The following TGIF1 variants were observed in gnomAD, a reference collection of about 807,000 sequenced individuals.
TGIF1 encodes homeobox protein TGIF1.
TGIF1 carries 4 observed loss-of-function variants against 19.3 expected under a neutral mutation model. That is an observed-to-expected ratio of 0.21 (90% confidence interval 0.10 to 0.47). The LOEUF (loss-of-function observed/expected upper bound fraction) is 0.47, where lower values mean the gene tolerates loss of function less well. Among genes scored for constraint, TGIF1 ranks in the 20% least tolerant of loss-of-function variants. The pLI is 0.98. For synonymous variants in TGIF1, 122 were observed against 129.3 expected, an observed-to-expected ratio of 0.94 and a Z score of 0.38; for missense variants, 275 against 341.4, an observed-to-expected ratio of 0.81 and a Z score of 1.53.
At position 3,429,971 on chromosome 18, in the gene TGIF1, A is replaced by G. The variant is rs140484230; in HGVS notation, c.-45+11756A>G. Among the ~76,000 whole-genome samples the G allele has an allele frequency of 3.0e-3, 454 of 152,334 alleles. 1 individual carries two copies. Among genetic ancestry groups the G allele is most frequent in the Middle Eastern group, 6.8e-3 (2 of 294 alleles). On this transcript the variant is annotated intron_variant, in intron 2 of 3. Coordinates refer to the TGIF1 transcript ENST00000401449. Reference sequence around the variant, plus strand: ...GGAGTTGGAGACCAGCCTAGCCAACATGGCAAAACCCCTTCTCTACTAAAA... The same window carrying G: ...GGAGTTGGAGACCAGCCTAGCCAACGTGGCAAAACCCCTTCTCTACTAAAA...
intron 1 of TGIF1, among the ~76,000 whole-genome samples, chr18:3,454,951 A>C (rs760412166): frequency 1.6e-4 from 25 of 152,208 alleles, no homozygotes; most frequent in South Asian, 6.2e-4. Flanking sequence ...TCCTTTAAAA[A>C]ACACGGTGTT....
At chr18:3,428,448 A>G (rs2082502060) in intron 2 of TGIF1, among the ~76,000 whole-genome samples, 1 of 151,908 alleles carries the variant, frequency 6.6e-6, no homozygotes, top group African/African-American at 2.4e-5. Flanking sequence ...TTTAAAAATT[A>G]TTTTGGCCGG....
chr18:3,427,800 A>G, intron 2 of TGIF1, among the ~76,000 whole-genome samples: 1 of 152,122 alleles, frequency 6.6e-6, no homozygotes, highest in Non-Finnish European at 1.5e-5. Flanking sequence ...GGATTTCGAC[A>G]TGTTGGCCAG....
At chr18:3,452,059 C>T in intron 1 of TGIF1, 1 of 1,613,822 alleles carries the variant, frequency 6.2e-7, no homozygotes, top group Non-Finnish European at 8.5e-7. Flanking sequence ...GGCTCTGATT[C>T]CTTTCCATGG....
chr18:3,427,440 C>T (rs371113459), intron 2 of TGIF1, among the ~76,000 whole-genome samples: 10 of 151,246 alleles, frequency 6.6e-5, no homozygotes, highest in South Asian at 4.2e-4. Context: ...TACAGGTGTG[C>T]GCCACCACAC....
chr18:3,449,863 C>G, upstream of TGIF1: 3 of 985,470 alleles, frequency 3.0e-6, no homozygotes, highest in Non-Finnish European at 3.6e-6. Context: ...AACGCACCCT[C>G]GCCAGCCCCG....
At chr18:3,454,145 T>C (rs1201331407) in intron 1 of TGIF1, among the ~76,000 whole-genome samples, 1 of 152,248 alleles carries the variant, frequency 6.6e-6, no homozygotes, top group Non-Finnish European at 1.5e-5. Flanking sequence ...CTGGCATTCA[T>C]TTATTTAAAT....
intron 2 of TGIF1, among the ~76,000 whole-genome samples, chr18:3,432,476 A>G (rs2082561715): frequency 6.6e-6 from 1 of 152,216 alleles, no homozygotes; most frequent in Admixed American, 6.6e-5. Flanking sequence ...CATTATATCA[A>G]TGTTAATTTC....
At chr18:3,439,470 A>G (rs1430863474) in intron 2 of TGIF1, among the ~76,000 whole-genome samples, 1 of 151,420 alleles carries the variant, frequency 6.6e-6, no homozygotes, top group African/African-American at 2.4e-5. Context: ...CAGCCACCCG[A>G]TTAGCTGGGA....
intron 2 of TGIF1, among the ~76,000 whole-genome samples, chr18:3,431,860 G>T (rs1197101712): frequency 1.3e-5 from 2 of 152,214 alleles, no homozygotes; most frequent in African/African-American, 4.8e-5. Context: ...GCCGGGTGCT[G>T]TGGCTCACGC....
chr18:3,453,356 G>A (rs2083050177), intron 1 of TGIF1, among the ~76,000 whole-genome samples: 1 of 152,004 alleles, frequency 6.6e-6, no homozygotes. Flanking sequence ...GTGTCTCCCT[G>A]CCTCCCTGTC....
chr18:3,451,867 A>T lies in TGIF1; in HGVS notation c.16+1362A>T. The T allele has an allele frequency of 7.0e-7, 1 of 1,420,970 alleles. No individual in the cohort carries two copies. The highest frequency in any genetic ancestry group is 2.9e-5 in the Admixed American group (1 of 34,832). 88.0% of individuals were successfully genotyped at this position (1,420,970 alleles called of 1,614,324 possible). Reference sequence around the variant, plus strand: ...GGAGAAAACGCGCGGGGGGCGTCCGAGACGCCCCGTGAAAGCCGTGCCGAC... The same window carrying T: ...GGAGAAAACGCGCGGGGGGCGTCCGTGACGCCCCGTGAAAGCCGTGCCGAC... On this transcript the variant is annotated intron_variant, in intron 1 of 2. Coordinates refer to ENST00000343820, the MANE Select transcript of TGIF1 (RefSeq NM_003244.4). This position sits in a 1 kb window ranked among gnomAD's most constrained non-coding sequence, Gnocchi z 5.4.
intron 2 of TGIF1, among the ~76,000 whole-genome samples, chr18:3,425,468 T>C (rs2082454392): frequency 6.6e-6 from 1 of 152,204 alleles, no homozygotes; most frequent in Non-Finnish European, 1.5e-5. Context: ...TCATAAGATT[T>C]GCAACTTCCC....
intron 1 of TGIF1, among the ~76,000 whole-genome samples, chr18:3,414,749 A>C (rs550453850): frequency 4.6e-5 from 7 of 152,098 alleles, no homozygotes; most frequent in African/African-American, 1.7e-4. Flanking sequence ...TTTCATCAAA[A>C]CCCCATAATA....
In TGIF1 at chr18:3,435,213, G is replaced by A. The variant is rs147841197; in HGVS notation, c.-45+16998G>A. Among the ~76,000 whole-genome samples the A allele has an allele frequency of 5.3e-4, 80 of 149,908 alleles. No individual in the cohort carries two copies. In the East Asian group the frequency reaches 0.016, roughly 29 times the overall value. ...ACCCTATATATATTTTTTTTTTTGAGATGGAGTCTTGCTCTCTTGCCCAGG... is the reference window on the plus strand; with the variant it reads ...ACCCTATATATATTTTTTTTTTTGAAATGGAGTCTTGCTCTCTTGCCCAGG... On this transcript the variant is annotated intron_variant, in intron 2 of 3. Coordinates refer to the TGIF1 transcript ENST00000401449.
Position 3,436,616 on chromosome 18 carries a change from C to T in TGIF1, c.-45+18401C>T, listed in dbSNP as rs576706330. On this transcript the variant is annotated intron_variant, in intron 2 of 3. Coordinates refer to the TGIF1 transcript ENST00000401449. ...GGTGGATCACCTGAGGTCAGGAGTT[C>T]GAGACCAGCCTGGCCAACGTGGTGA... Among the ~76,000 whole-genome samples the T allele has an allele frequency of 1.6e-4, 25 of 151,828 alleles. No individual in the cohort carries two copies. In the East Asian group the frequency reaches 2.7e-3, roughly 17 times the overall value.
chr18:3,420,856 G>C (rs995537738), intron 2 of TGIF1, among the ~76,000 whole-genome samples: 1 of 152,192 alleles, frequency 6.6e-6, no homozygotes, highest in Admixed American at 6.6e-5. Flanking sequence ...AGTTCTGTAA[G>C]ACTGATGAAC....
intron 2 of TGIF1, among the ~76,000 whole-genome samples, chr18:3,435,283 C>T (rs2082601012): frequency 6.6e-6 from 1 of 150,772 alleles, no homozygotes; most frequent in Non-Finnish European, 1.5e-5. Context: ...ACCTCCGCCT[C>T]CCAGGTTCAA....
At position 3,457,615 on chromosome 18, in the gene TGIF1, C is replaced by T. The variant is rs2049401618; in HGVS notation, c.494C>T (p.Ser165Leu). The T allele has an allele frequency of 1.9e-6, 3 of 1,614,110 alleles. No homozygotes were observed. The highest frequency in any genetic ancestry group is 2.5e-6 in the Non-Finnish European group (3 of 1,180,048). ...PLSPKPSSPG[S>L]VLARPSVICH... Reference sequence around the variant, plus strand: ...TCTCCTAAGCCGTCATCCCCGGGATCAGTTTTGGCTCGTCCATCAGTGATC... The same window carrying T: ...TCTCCTAAGCCGTCATCCCCGGGATTAGTTTTGGCTCGTCCATCAGTGATC... Residue 165 changes from serine to leucine, a missense_variant, in exon 3 of 3, where the codon TCA becomes TTA. Coordinates refer to ENST00000343820, the MANE Select transcript of TGIF1 (RefSeq NM_003244.4). This position sits in a 1 kb window ranked among gnomAD's most constrained non-coding sequence, Gnocchi z 4.9.
Sources: gnomAD v4.1 joint callset for allele counts (sites outside exome capture counted in the v4.1 genomes callset) on GRCh38, gnomAD v4.1.1 for gene constraint, Gnocchi (gnomAD v3.1) non-coding constraint, MANE v1.5 for transcripts, NCBI Gene and HGNC (gene_info 2026-07-23, HGNC 2026-07-21) for gene names.